Variants in CLIP2 observed in about 807,000 individuals in gnomAD.
CLIP2 encodes CAP-Gly domain-containing linker protein 2.
Under a neutral mutation model 111.7 loss-of-function variants are expected in CLIP2, and 41 were observed. That is an observed-to-expected ratio of 0.37 (90% CI 0.29 to 0.48). CLIP2 has a LOEUF of 0.48. Among genes scored for constraint, CLIP2 ranks in the 20% least tolerant of loss-of-function variants. CLIP2 has a pLI of 0.99. For synonymous variants in CLIP2, 660 were observed against 644.2 expected (o/e 1.02, Z -0.37); for missense variants, 1,160 against 1,422.1 (o/e 0.82, Z 2.96).
chr7:74,321,625 C>T (rs945714314), intron 2 of CLIP2, among the ~76,000 whole-genome samples: 1 of 151,908 alleles, frequency 6.6e-6, no homozygotes, highest in Non-Finnish European at 1.5e-5. Flanking sequence ...CCCGCCACCA[C>T]GCCAGGCTAA....
chr7:74,311,412 A>G (rs1788637582), intron 1 of CLIP2, among the ~76,000 whole-genome samples: 1 of 152,124 alleles, frequency 6.6e-6, no homozygotes, highest in African/African-American at 2.4e-5. Flanking sequence ...AGCTTTTCAA[A>G]TTTTTAGCCA....
At chr7:74,301,855 G>A (rs1788346546) in intron 1 of CLIP2, among the ~76,000 whole-genome samples, 1 of 151,462 alleles carries the variant, frequency 6.6e-6, no homozygotes, top group Non-Finnish European at 1.5e-5. Context: ...TAGGATTACA[G>A]GTGCCCTCCA....
chr7:74,396,429 A>G (rs1466700791), intron 13 of CLIP2, among the ~76,000 whole-genome samples: 1 of 151,766 alleles, frequency 6.6e-6, no homozygotes, highest in African/African-American at 2.4e-5. Context: ...GTCTTGCCTC[A>G]TGAGATTTCT....
At chr7:74,345,629 G>C (rs1789778544) in intron 3 of CLIP2, among the ~76,000 whole-genome samples, 1 of 151,914 alleles carries the variant, frequency 6.6e-6, no homozygotes, top group Non-Finnish European at 1.5e-5. Context: ...CTGAGGTCAG[G>C]AGTTCGAGAC....
intron 6 of CLIP2, among the ~76,000 whole-genome samples, chr7:74,358,954 T>C (rs565901122): frequency 6.6e-6 from 1 of 152,184 alleles, no homozygotes; most frequent in South Asian, 2.1e-4. Flanking sequence ...CCCTGTTGTT[T>C]AGATTATTTC....
At chr7:74,371,420 C>T (rs868945405) in intron 8 of CLIP2, among the ~76,000 whole-genome samples, 4 of 150,534 alleles carry the variant, frequency 2.7e-5, no homozygotes, top group South Asian at 2.1e-4. Context: ...TTGTGCCCAC[C>T]GACGGGGATA....
intron 11 of CLIP2, 179 bp from the exon 12 acceptor site, chr7:74,386,342 T>A (rs1554314779): frequency 3.9e-6 from 2 of 514,204 alleles, no homozygotes; most frequent in Non-Finnish European, 3.4e-6. Flanking sequence ...GCCCGGCCAG[T>A]GTCAGGTCCT....
At chr7:74,362,579 A>G (rs540188252) in intron 7 of CLIP2, among the ~76,000 whole-genome samples, 2 of 124,516 alleles carry the variant, frequency 1.6e-5, no homozygotes, top group Admixed American at 1.1e-4. Flanking sequence ...TCTGTCACCC[A>G]GGCTGGAGTA....
At chr7:74,390,162 GAAGAAAGAAAGAAAGAAAGAAAGAAAGA>G (rs200256078) in intron 13 of CLIP2, among the ~76,000 whole-genome samples, 23 of 84,918 alleles carry the variant, frequency 2.7e-4, no homozygotes, top group South Asian at 2.1e-3. Context: ...AAGAAAGAAA[GAAGAAAGAAAGAAAGAAAGAAAGAAAGA>G]AAGAAAGAAA....
intron 3 of CLIP2, among the ~76,000 whole-genome samples, chr7:74,347,775 A>G (rs909918337): frequency 5.9e-5 from 9 of 152,230 alleles, no homozygotes; most frequent in Non-Finnish European, 1.3e-4. Context: ...GAGCATGAAT[A>G]TTCATGTTGT....
intron 6 of CLIP2, among the ~76,000 whole-genome samples, chr7:74,357,755 CT>C (rs1427578182): frequency 6.6e-6 from 1 of 150,820 alleles, no homozygotes; most frequent in African/African-American, 2.4e-5. Context: ...TATTATTTTT[CT>C]TTCTTTCTTT....
At chr7:74,334,448 G>A (rs1218671703) in intron 2 of CLIP2, among the ~76,000 whole-genome samples, 1 of 152,144 alleles carries the variant, frequency 6.6e-6, no homozygotes, top group African/African-American at 2.4e-5. Flanking sequence ...CTGGGGACAA[G>A]GACAGCTGAG....
chr7:74,329,355 T>C (rs1789212786), intron 2 of CLIP2, among the ~76,000 whole-genome samples: 1 of 151,982 alleles, frequency 6.6e-6, no homozygotes, highest in African/African-American at 2.4e-5. Flanking sequence ...AGCATGATGC[T>C]ATATTAAGAG....
At chr7:74,402,707 AAGAG>A (rs782631811) in intron 16 of CLIP2, among the ~76,000 whole-genome samples, 1 of 152,216 alleles carries the variant, frequency 6.6e-6, no homozygotes, top group East Asian at 1.9e-4. Flanking sequence ...AGAACACAGA[AAGAG>A]AGAGAACCTA....
At chr7:74,354,930 G>C (rs1056794023) in intron 4 of CLIP2, among the ~76,000 whole-genome samples, 1 of 152,310 alleles carries the variant, frequency 6.6e-6, no homozygotes, top group African/African-American at 2.4e-5. Flanking sequence ...AGGTCTCACA[G>C]CATCTCTGAT....
At chr7:74,364,191 T>C in intron 7 of CLIP2, 64 bp from the exon 8 acceptor site, 3 of 1,460,248 alleles carry the variant, frequency 2.1e-6, no homozygotes, top group Middle Eastern at 1.7e-4. Flanking sequence ...CTGCTGTTGC[T>C]CATTCGGTGA....
rs551344136 is a variant in CLIP2 at position 74,403,931 on chromosome 7, C to T, written c.*83C>T. 1.5e-5 allele frequency: 22 copies of T among 1,443,942 alleles called. No individual in the cohort carries two copies. The highest frequency in any genetic ancestry group is 8.4e-5 in the Admixed American group (5 of 59,808). The allele number at this position is 1,443,942 out of a possible 1,614,324, so 89.4% of individuals were successfully genotyped here. A position where few individuals can be genotyped will look rare whatever the true frequency, so the allele number is the denominator to read the frequency against. On this transcript the variant is annotated 3_prime_UTR_variant, in exon 17 of 17. Transcript: ENST00000223398. ...GGCAGTACCTCCTCCAGGCAGGAGC[C>T]GGGACTGTCACTTTGGAGACAAAAC...
chr7:74,386,650 GCCGTGC>G lies in CLIP2; in HGVS notation c.2563+48_2563+53del, dbSNP rs782237168. 1.5e-5 allele frequency: 22 copies of G among 1,481,300 alleles called. No individual in the cohort carries two copies. In the East Asian group the frequency reaches 5.2e-4, roughly 35 times the overall value. The allele number at this position is 1,481,300 out of a possible 1,614,324, so 91.8% of individuals were successfully genotyped here. On this transcript the variant is annotated intron_variant, in intron 12 of 16. Coordinates refer to ENST00000223398, the MANE Select transcript of CLIP2 (RefSeq NM_003388.5). ...GCAGATGCGGGGGGCTTTCACTGGG[GCCGTGC>G]CATTCAGCTGCCAATTAAGCATGGA...
intron 1 of CLIP2, among the ~76,000 whole-genome samples, chr7:74,290,430 CT>C (rs1787982490): frequency 6.6e-6 from 1 of 152,222 alleles, no homozygotes. Context: ...GCGGAGGATG[CT>C]TGGCTGAACC....
Sources: allele counts gnomAD v4.1 joint callset (sites outside exome capture counted in the v4.1 genomes callset), GRCh38; gene constraint gnomAD v4.1.1; transcripts MANE v1.5; gene names NCBI Gene and HGNC (gene_info 2026-07-23, HGNC 2026-07-21).